FAP: variants seen among roughly 807,000 people sequenced by gnomAD.
The protein encoded by FAP is prolyl endopeptidase FAP.
FAP carries 110 observed loss-of-function variants against 126.5 expected under a neutral mutation model. The observed-to-expected ratio is 0.87, with a 90% confidence interval of 0.74 to 1.02. The LOEUF (loss-of-function observed/expected upper bound fraction) is 1.02, where lower values mean the gene tolerates loss of function less well. FAP is among the 50% of genes least tolerant of loss of function. The pLI, the probability that FAP is intolerant of heterozygous loss-of-function variation, is 0.00. For synonymous variants in FAP, 334 were observed against 297.3 expected (o/e 1.12, Z -1.27); for missense variants, 919 against 909.2 (o/e 1.01, Z -0.14).
intron 2 of FAP, among the ~76,000 whole-genome samples, chr2:162,230,065 G>A (rs1022583307): frequency 3.3e-5 from 5 of 152,076 alleles, no homozygotes; most frequent in South Asian, 2.1e-4. Context: ...CTTTGAAACC[G>A]TATCATATGT....
chr2:162,243,092 C>A, intron 1 of FAP, 100 bp from the exon 2 acceptor site: 1 of 1,005,126 alleles, frequency 9.9e-7, no homozygotes, highest in Non-Finnish European at 1.5e-6. Flanking sequence ...TCTCGCCCCA[C>A]AAAGCTTTTG....
chr2:162,170,928 G>T lies in FAP; in HGVS notation c.*51C>A, dbSNP rs750785899. ...AATAAAATAAGCAAACTGTCTGAGG[G>T]GTTTATATAAGGTTTTCAGATTCTG... On this transcript the variant is annotated 3_prime_UTR_variant, in exon 26 of 26. Transcript: ENST00000188790. 3.5e-5 allele frequency: 46 copies of T among 1,307,182 alleles called. 1 individual carries two copies. In the South Asian group the frequency reaches 4.4e-4, roughly 13 times the overall value. The allele number at this position is 1,307,182 out of a possible 1,614,324, so 81.0% of individuals were successfully genotyped here.
rs1457482259 is a variant in FAP, at chr2:162,188,225, A to T, written c.1758T>A (p.Tyr586Ter). 6.2e-7 allele frequency: 1 copy of T among 1,613,228 alleles called. No homozygotes were observed. The highest frequency in any genetic ancestry group is 1.3e-5 in the African/African-American group (1 of 74,858). Residue 586 changes from tyrosine (Y) to a stop codon, truncating the protein, a stop_gained, in exon 20 of 26, where the codon TAT becomes TAA. Transcript: ENST00000188790. LOFTEE classifies it high-confidence loss of function. ...AAACACCCAGCTTTCGATACACTGCATAGAGGAGTTTGTCACCTTGGAAAG... is the reference window on the plus strand; with the variant it reads ...AAACACCCAGCTTTCGATACACTGCTTAGAGGAGTTTGTCACCTTGGAAAG... ...GTAFQGDKLL[Y>*]AVYRKLGVYE...
chr2:162,218,714 T>C (rs1264103560), intron 8 of FAP, among the ~76,000 whole-genome samples: 1 of 151,300 alleles, frequency 6.6e-6, no homozygotes, highest in East Asian at 1.9e-4. Context: ...TATGTTCCCA[T>C]AAGATAACAT....
intron 10 of FAP, 67 bp from the exon 11 acceptor site, chr2:162,214,140 T>C (rs1689071943): frequency 1.9e-6 from 3 of 1,539,690 alleles, no homozygotes; most frequent in Non-Finnish European, 2.6e-6. Context: ...AATTTCTTAA[T>C]TTTTGTTTTC....
intron 21 of FAP, among the ~76,000 whole-genome samples, chr2:162,180,771 T>C (rs1483396671): frequency 6.6e-6 from 1 of 152,158 alleles, no homozygotes; most frequent in African/African-American, 2.4e-5. Context: ...AAGTTTACCT[T>C]AGGCGTAAGT....
chr2:162,236,594 A>C (rs78455346), intron 2 of FAP, among the ~76,000 whole-genome samples: 5,375 of 149,742 alleles, frequency 0.036, 467 homozygotes, highest in Admixed American at 0.21. Context: ...TTCATTTGTT[A>C]TCTGATTTTG....
In FAP at chr2:162,172,945, T is replaced by A. The variant is rs941223993; in HGVS notation, c.2108-61A>T. The A allele has an allele frequency of 2.6e-5, 35 of 1,347,952 alleles. No homozygotes were observed. The African/African-American group carries it at 4.3e-4, about 17-fold the overall frequency. 83.5% of individuals were successfully genotyped at this position (1,347,952 alleles called of 1,614,324 possible). A position where few individuals can be genotyped will look rare whatever the true frequency, so the allele number is the denominator to read the frequency against. On this transcript the variant is annotated intron_variant, in intron 24 of 25. Coordinates refer to ENST00000188790, the MANE Select transcript of FAP (RefSeq NM_004460.5). ...AATACCAGAAAGCATAGAGTGACAA[T>A]GTACTGCCTGGAAATGAACACCAAC...
At chr2:162,221,856 A>G in intron 6 of FAP, 5 of 387,052 alleles carry the variant, frequency 1.3e-5, no homozygotes, top group Non-Finnish European at 2.5e-5. Flanking sequence ...CTTCAAAGGC[A>G]TATAAAAGAC....
chr2:162,241,844 T>G (rs1378110676), intron 2 of FAP, among the ~76,000 whole-genome samples: 1 of 152,182 alleles, frequency 6.6e-6, no homozygotes, highest in Non-Finnish European at 1.5e-5. Flanking sequence ...ACTGAAGATA[T>G]CAGCTGACTT....
intron 2 of FAP, among the ~76,000 whole-genome samples, chr2:162,230,766 G>A (rs545170538): frequency 6.6e-6 from 1 of 152,170 alleles, no homozygotes; most frequent in Non-Finnish European, 1.5e-5. Context: ...AATCTCTGGG[G>A]GGTGGGGTCC....
chr2:162,219,166 G>A lies in FAP; in HGVS notation c.504C>T (p.Asn168=). Residue 168 remains asparagine, a synonymous_variant, in exon 8 of 26, where the codon AAC becomes AAT. Coordinates refer to ENST00000188790, the MANE Select transcript of FAP (RefSeq NM_004460.5). ...CTGGTCTTTGTTTCAAATAGATATT[G>A]TTTTGATAGACATATGCCTAAAAGT... ...VGSKLAYVYQ[N]NIYLKQRPGD... is the part of the protein sequence containing the mutation. 6.2e-7 allele frequency: 1 copy of A among 1,606,248 alleles called. No individual in the cohort carries two copies. Among genetic ancestry groups the A allele is most frequent in the Non-Finnish European group, 8.5e-7 (1 of 1,176,004 alleles).
At chr2:162,188,730 G>T (rs542970425) in intron 19 of FAP, among the ~76,000 whole-genome samples, 2 of 152,048 alleles carry the variant, frequency 1.3e-5, no homozygotes, top group East Asian at 3.9e-4. Flanking sequence ...CTGATTTTGG[G>T]TGTGATTCCA....
At chr2:162,190,590 T>C (rs1688010580) in intron 17 of FAP, among the ~76,000 whole-genome samples, 1 of 152,140 alleles carries the variant, frequency 6.6e-6, no homozygotes, top group Admixed American at 6.6e-5. Context: ...TAGCGGGCTT[T>C]TTATAGACCT....
At chr2:162,187,373 G>A (rs1687898167) in intron 20 of FAP, among the ~76,000 whole-genome samples, 1 of 152,032 alleles carries the variant, frequency 6.6e-6, no homozygotes, top group African/African-American at 2.4e-5. Flanking sequence ...GACTGAGAGT[G>A]CAATTAGCCT....
intron 2 of FAP, among the ~76,000 whole-genome samples, chr2:162,237,055 G>A (rs1403760183): frequency 2.6e-5 from 4 of 151,974 alleles, no homozygotes; most frequent in African/African-American, 4.8e-5. Context: ...ATATTAATAA[G>A]TATTGTAAGT....
At chr2:162,239,904 G>T (rs1401915017) in intron 2 of FAP, among the ~76,000 whole-genome samples, 1 of 152,140 alleles carries the variant, frequency 6.6e-6, no homozygotes, top group Non-Finnish European at 1.5e-5. Context: ...GCAAAATTCT[G>T]CAACCTCTGT....
Position 162,183,431 on chromosome 2 carries a change from T to C in FAP, c.1852A>G (p.Ile618Val), listed in dbSNP as rs1019204917. The change falls in exon 21 of 26, where the codon ATA becomes GTA. Residue 618 changes from isoleucine (I) to valine (V), a missense_variant. Physicochemically the swap from Ile to Val is conservative, Grantham distance 29. Coordinates refer to ENST00000188790, the MANE Select transcript of FAP (RefSeq NM_004460.5). The stretch of plus-strand genomic sequence containing the variant: ...CAACTCACCCAGCCCCATATGGCTA[T>C]TCTTTTTTCATCAATGAAACCCATT... ...IEMGFIDEKR[I>V]AIWGWSYGGY... The C allele has an allele frequency of 1.2e-6, 2 of 1,610,124 alleles. No individual in the cohort carries two copies. Among genetic ancestry groups the C allele is most frequent in the Non-Finnish European group, 1.7e-6 (2 of 1,177,672 alleles).
At chr2:162,204,537 T>C (rs934365424) in intron 12 of FAP, among the ~76,000 whole-genome samples, 1 of 152,112 alleles carries the variant, frequency 6.6e-6, no homozygotes. Context: ...GGAAGAAGAC[T>C]ATGTGAAGAC....
Sources: allele counts gnomAD v4.1 joint callset (sites outside exome capture counted in the v4.1 genomes callset), GRCh38; gene constraint gnomAD v4.1.1; transcripts MANE v1.5; gene names NCBI Gene and HGNC (gene_info 2026-07-23, HGNC 2026-07-21).